Variants in DLGAP2 observed in about 807,000 individuals in gnomAD.
The protein encoded by DLGAP2 is DLG associated protein 2.
DLGAP2 carries 26 observed loss-of-function variants against 100.3 expected under a neutral mutation model. The ratio of observed to expected loss-of-function variants is 0.26; its 90% CI spans 0.19 to 0.36. The LOEUF (loss-of-function observed/expected upper bound fraction) is 0.36, where lower values mean the gene tolerates loss of function less well. DLGAP2 is among the 10% of genes least tolerant of loss of function. DLGAP2 has a pLI of 1.00. For missense variants in DLGAP2, 1,858 were observed against 1,453.2 expected (o/e 1.28, Z -4.53); for synonymous variants, 886 against 630.1 (o/e 1.41, Z -6.08).
intron 3 of DLGAP2, among the ~76,000 whole-genome samples, chr8:1,376,162 G>A (rs1802382552): frequency 1.3e-5 from 2 of 151,348 alleles, no homozygotes; most frequent in Admixed American, 1.3e-4. Flanking sequence ...TCTCAAATAA[G>A]ACAAACATCA....
At position 1,704,840 on chromosome 8, in the gene DLGAP2, T is replaced by C. The variant is rs1183681724; in HGVS notation, c.*3434T>C. ...GGGAATTTTTCCCTGCTGCTTCTTATGAAAGTGGCCAGGTTTATTATTAGA... is the reference window on the plus strand; with the variant it reads ...GGGAATTTTTCCCTGCTGCTTCTTACGAAAGTGGCCAGGTTTATTATTAGA... On this transcript the variant is annotated 3_prime_UTR_variant, in exon 15 of 15. Coordinates refer to ENST00000637795, the MANE Select transcript of DLGAP2 (RefSeq NM_001346810.2). 1 of 152,118 alleles carries C rather than the reference T, an allele frequency of 6.6e-6. No homozygotes were observed. The highest frequency in any genetic ancestry group is 2.4e-5 in the African/African-American group (1 of 41,426). The allele number at this position is 152,118 out of a possible 1,614,324, so 9.4% of individuals were successfully genotyped here. A position where few individuals can be genotyped will look rare whatever the true frequency, so the allele number is the denominator to read the frequency against.
Position 1,143,289 on chromosome 8 carries a change from C to T in DLGAP2, c.74-115562C>T, listed in dbSNP as rs540851449. Among the ~76,000 whole-genome samples the T allele has an allele frequency of 2.6e-4, 40 of 152,322 alleles. No individual in the cohort carries two copies. The South Asian group carries it at 8.1e-3, about 31-fold the overall frequency. On this transcript the variant is annotated intron_variant, in intron 2 of 14. Coordinates refer to ENST00000637795, the MANE Select transcript of DLGAP2 (RefSeq NM_001346810.2). ...CGTGAATGACGCACTGAAACATAGA[C>T]ATCCTAAGCAGGGTGTCTGTCTGAA... is the stretch of plus-strand genomic sequence containing the variant.
chr8:1,343,784 G>A (rs1801475544), intron 3 of DLGAP2, among the ~76,000 whole-genome samples: 2 of 152,084 alleles, frequency 1.3e-5, no homozygotes, highest in Non-Finnish European at 2.9e-5. Flanking sequence ...CAGTGCTGTG[G>A]GCTTCACGCC....
intron 1 of DLGAP2, among the ~76,000 whole-genome samples, chr8:755,541 G>A (rs985677622): frequency 1.3e-5 from 2 of 152,222 alleles, no homozygotes; most frequent in African/African-American, 4.8e-5. Flanking sequence ...TCTGACTGTG[G>A]GAGCAGCTGG....
intron 2 of DLGAP2, among the ~76,000 whole-genome samples, chr8:970,268 G>T (rs1366437642): frequency 6.6e-6 from 1 of 152,164 alleles, no homozygotes; most frequent in Non-Finnish European, 1.5e-5. Context: ...GGGTTTGCAA[G>T]AAATACCAAG....
At chr8:1,275,362 A>AG (rs2116937054) in intron 3 of DLGAP2, among the ~76,000 whole-genome samples, 1 of 85,976 alleles carries the variant, frequency 1.2e-5, no homozygotes, top group African/African-American at 6.4e-5. Context: ...TTTGGAATGG[A>AG]AAAAAAAAAA....
chr8:1,331,764 C>G (rs867073433), intron 3 of DLGAP2, among the ~76,000 whole-genome samples: 2 of 152,202 alleles, frequency 1.3e-5, no homozygotes, highest in South Asian at 4.1e-4. Flanking sequence ...GCTGGGCACA[C>G]CTTCTCTCAT....
At chr8:1,317,736 C>T (rs530131088) in intron 3 of DLGAP2, among the ~76,000 whole-genome samples, 1 of 86,114 alleles carries the variant, frequency 1.2e-5, no homozygotes, top group Non-Finnish European at 2.2e-5. Flanking sequence ...AAAAATAGAG[C>T]GTGTGTGAGT....
At chr8:1,213,032 A>T (rs79415804) in intron 2 of DLGAP2, among the ~76,000 whole-genome samples, 2 of 152,076 alleles carry the variant, frequency 1.3e-5, no homozygotes, top group Admixed American at 6.6e-5. Flanking sequence ...AATTTGTCTC[A>T]TGATGAGAAT....
At chr8:1,005,549 C>T (rs1801083823) in intron 2 of DLGAP2, among the ~76,000 whole-genome samples, 1 of 151,466 alleles carries the variant, frequency 6.6e-6, no homozygotes, top group Non-Finnish European at 1.5e-5. Context: ...GCTGGGACTA[C>T]AGGTGTGTGC....
chr8:909,971 T>C (rs746115102), intron 2 of DLGAP2, among the ~76,000 whole-genome samples: 1 of 152,256 alleles, frequency 6.6e-6, no homozygotes, highest in Non-Finnish European at 1.5e-5. Flanking sequence ...TAAGGGCGAC[T>C]GTAATTTTCT....
At chr8:1,468,031 A>C (rs1185532075) in intron 3 of DLGAP2, among the ~76,000 whole-genome samples, 2 of 152,238 alleles carry the variant, frequency 1.3e-5, no homozygotes, top group African/African-American at 4.8e-5. Context: ...TTGTGCTGCA[A>C]AGTGGGGGCG....
intron 2 of DLGAP2, among the ~76,000 whole-genome samples, chr8:1,062,864 G>A (rs768299200): frequency 2.0e-5 from 3 of 152,162 alleles, no homozygotes; most frequent in Non-Finnish European, 4.4e-5. Flanking sequence ...TCAGTCTTCA[G>A]CTATAACCAT....
At chr8:1,431,218 C>T (rs888599346) in intron 3 of DLGAP2, among the ~76,000 whole-genome samples, 2 of 152,218 alleles carry the variant, frequency 1.3e-5, no homozygotes, top group African/African-American at 4.8e-5. Context: ...GCAAAAGTTA[C>T]ATTTTCTGTC....
rs569281344 is a variant in DLGAP2, at chr8:1,336,055, C to T, written c.106+77172C>T. ...TCTGAGCGGTGCTGGGCGTTCAGCC[C>T]GTCTCATGTCAAGCCTGGTCCTCCA... On this transcript the variant is annotated intron_variant, in intron 3 of 14. Coordinates refer to ENST00000637795, the MANE Select transcript of DLGAP2 (RefSeq NM_001346810.2). Among the ~76,000 whole-genome samples the T allele has an allele frequency of 5.8e-4, 89 of 152,362 alleles. 1 individual carries two copies. The South Asian group carries it at 9.3e-3, about 16-fold the overall frequency.
chr8:1,441,791 T>A (rs1797840848), intron 3 of DLGAP2, among the ~76,000 whole-genome samples: 1 of 151,646 alleles, frequency 6.6e-6, no homozygotes, highest in African/African-American at 2.4e-5. Context: ...ACCAGTTTTT[T>A]TTTTTTTATT....
At chr8:907,070 G>C (rs1171867789) in intron 1 of DLGAP2, among the ~76,000 whole-genome samples, 4 of 152,226 alleles carry the variant, frequency 2.6e-5, no homozygotes, top group Admixed American at 6.5e-5. Flanking sequence ...AAAGTCGATC[G>C]AGGGCAAACG....
rs1334021580 is a variant in DLGAP2, at chr8:801,789, T to TC, written c.18+63965dup. Among the ~76,000 whole-genome samples, 4 of 152,172 alleles carry TC rather than the reference T, an allele frequency of 2.6e-5. No individual in the cohort carries two copies. The East Asian group carries it at 7.7e-4, about 29-fold the overall frequency. On this transcript the variant is annotated intron_variant, in intron 1 of 14. Transcript: ENST00000637795. ...AATAGGCTGTTTCTCTCCTGGGGGT[T>TC]CACACAGATGGTCCCTGCTCGGGGA...
chr8:1,675,950 C>G (rs958173292), intron 10 of DLGAP2, among the ~76,000 whole-genome samples: 11 of 151,884 alleles, frequency 7.2e-5, no homozygotes, highest in African/African-American at 2.2e-4. Flanking sequence ...CAGCCACAAT[C>G]AGAATTCTCT....
Sources: gnomAD v4.1 joint callset for allele counts (sites outside exome capture counted in the v4.1 genomes callset) on GRCh38, gnomAD v4.1.1 for gene constraint, MANE v1.5 for transcripts, NCBI Gene and HGNC (gene_info 2026-07-23, HGNC 2026-07-21) for gene names.